Variants in NFIB observed in about 807,000 individuals in gnomAD.
The protein encoded by NFIB is nuclear factor 1 B-type.
In NFIB, 11 loss-of-function variants were observed where a neutral mutation model predicts 61.5. That is an observed-to-expected ratio of 0.18 (90% CI 0.11 to 0.30). The LOEUF is 0.30. NFIB is among the 10% of genes least tolerant of loss of function. The pLI, the probability that NFIB is intolerant of heterozygous loss-of-function variation, is 1.00. For missense variants in NFIB, 471 were observed against 608.9 expected (o/e 0.77, Z 2.38); for synonymous variants, 260 against 216.5 (o/e 1.20, Z -1.76).
At chr9:14,234,428 G>A (rs558247664) in intron 2 of NFIB, among the ~76,000 whole-genome samples, 45 of 151,466 alleles carry the variant, frequency 3.0e-4, no homozygotes, top group Admixed American at 2.5e-3. Context: ...TGAGTGCAGT[G>A]GCGGGATCTC....
chr9:14,091,780 A>C (rs1410808284), intron 10 of NFIB, among the ~76,000 whole-genome samples: 1 of 152,032 alleles, frequency 6.6e-6, no homozygotes, highest in Non-Finnish European at 1.5e-5. Context: ...TAAAAAAGAA[A>C]AGATATAATT....
At chr9:14,520,949 C>T in the NFIB span, among the ~76,000 whole-genome samples, 19 of 152,168 alleles carry the variant, frequency 1.2e-4, no homozygotes, top group African/African-American at 3.9e-4. Flanking sequence ...TTAAATGGCT[C>T]GCTTATGCCT....
At chr9:14,508,782 G>C in the NFIB span, among the ~76,000 whole-genome samples, 1 of 152,216 alleles carries the variant, frequency 6.6e-6, no homozygotes, top group East Asian at 1.9e-4. Flanking sequence ...GCCTGTGCTA[G>C]TTCAAGCTGG....
intron 2 of NFIB, among the ~76,000 whole-genome samples, chr9:14,243,958 G>A (rs2054616772): frequency 1.3e-5 from 2 of 152,184 alleles, no homozygotes; most frequent in South Asian, 2.1e-4. Context: ...GGAAATTACC[G>A]TATACTGTAG....
chr9:14,514,660 T>C, the NFIB span, among the ~76,000 whole-genome samples: 19 of 152,308 alleles, frequency 1.2e-4, no homozygotes, highest in Admixed American at 5.2e-4. Flanking sequence ...GATGGCTGAA[T>C]TGATCTAATC....
chr9:14,146,676 CCTT>C lies in NFIB; in HGVS notation c.925+10_925+12del. 3.1e-6 allele frequency: 5 copies of C among 1,612,956 alleles called. No individual in the cohort carries two copies. Among genetic ancestry groups the C allele is most frequent in the Non-Finnish European group, 3.4e-6 (4 of 1,179,366 alleles). On this transcript the variant is annotated intron_variant, in intron 6 of 10. Coordinates refer to ENST00000380953, the MANE Select transcript of NFIB (RefSeq NM_001190737.2). ...TTACTCATGGTCTCTAGAGGCATCTCCTTATTACTCACCTTGATCTCTTTCGTG... is the reference window on the plus strand; with the variant it reads ...TTACTCATGGTCTCTAGAGGCATCTCATTACTCACCTTGATCTCTTTCGTG...
At chr9:14,438,053 C>T in the NFIB span, among the ~76,000 whole-genome samples, 30,594 of 150,046 alleles carry the variant, frequency 0.2, 3,393 homozygotes, top group South Asian at 0.25. Flanking sequence ...TGCGTGTGCA[C>T]GCATGTGTGT....
the NFIB span, among the ~76,000 whole-genome samples, chr9:14,432,456 T>C: frequency 1.3e-5 from 2 of 152,238 alleles, no homozygotes; most frequent in Non-Finnish European, 2.9e-5. Context: ...CTTGTGACCA[T>C]TGAATTCTGA....
In NFIB at chr9:14,293,673, C is replaced by A. The variant is rs150821409; in HGVS notation, c.562+13316G>T. Among the ~76,000 whole-genome samples, 27 of 152,330 alleles carry A rather than the reference C, an allele frequency of 1.8e-4. No individual in the cohort carries two copies. The East Asian group carries it at 4.6e-3, about 26-fold the overall frequency. On this transcript the variant is annotated intron_variant, in intron 2 of 10. Transcript: ENST00000380953. ...GGACTAGACTTTAAAACGGAGTCTACTTCCCTTTCTCTAGGATTAGTAGAC... is the reference window on the plus strand; with the variant it reads ...GGACTAGACTTTAAAACGGAGTCTAATTCCCTTTCTCTAGGATTAGTAGAC...
chr9:14,493,860 C>A, the NFIB span, among the ~76,000 whole-genome samples: 1 of 152,114 alleles, frequency 6.6e-6, no homozygotes, highest in Non-Finnish European at 1.5e-5. Flanking sequence ...AGGTCTTTTG[C>A]GGCAAAACAA....
intron 1 of NFIB, among the ~76,000 whole-genome samples, chr9:14,339,435 A>G (rs769809670): frequency 6.6e-6 from 1 of 151,988 alleles, no homozygotes; most frequent in Non-Finnish European, 1.5e-5. Flanking sequence ...TCATTTCCCA[A>G]TTTCCCCCGT....
At chr9:14,147,954 T>G (rs376558579) in intron 5 of NFIB, among the ~76,000 whole-genome samples, 3 of 152,132 alleles carry the variant, frequency 2.0e-5, no homozygotes, top group South Asian at 2.1e-4. Context: ...AATGATACAT[T>G]TTAATATGGA....
At chr9:14,421,264 T>C in the NFIB span, among the ~76,000 whole-genome samples, 93 of 152,314 alleles carry the variant, frequency 6.1e-4, no homozygotes, top group Non-Finnish European at 1.0e-3. Flanking sequence ...TGAACATCTA[T>C]TTTATAAATT....
the NFIB span, among the ~76,000 whole-genome samples, chr9:14,420,828 G>A: frequency 2.0e-5 from 3 of 152,082 alleles, no homozygotes; most frequent in Admixed American, 6.6e-5. Flanking sequence ...CTACTATCTC[G>A]TCAATCAGGA....
At chr9:14,427,944 T>TTTTTTTTTTTTG in the NFIB span, among the ~76,000 whole-genome samples, 306 of 83,156 alleles carry the variant, frequency 3.7e-3, 27 homozygotes, top group Non-Finnish European at 4.7e-3. Context: ...GTTGTTTTTT[T>TTTTTTTTTTTTG]TTTTTTTTTT....
At chr9:14,316,951 T>C (rs2060557519), upstream of NFIB, 1 of 152,072 alleles carries the variant, frequency 6.6e-6, no homozygotes, top group Non-Finnish European at 1.5e-5. Context: ...ATAGAAGCCA[T>C]TATTTCGGGG....
At chr9:14,448,042 A>G in the NFIB span, among the ~76,000 whole-genome samples, 5 of 152,214 alleles carry the variant, frequency 3.3e-5, no homozygotes, top group Non-Finnish European at 7.4e-5. Context: ...CTTGACTGAG[A>G]ATCAAAAAAG....
intron 2 of NFIB, among the ~76,000 whole-genome samples, chr9:14,215,529 T>C (rs918481939): frequency 2.0e-5 from 3 of 152,202 alleles, no homozygotes; most frequent in African/African-American, 4.8e-5. Flanking sequence ...TGCACCTTGA[T>C]TCTATTGCAA....
intron 6 of NFIB, among the ~76,000 whole-genome samples, chr9:14,143,313 ATTTAT>A (rs1200111760): frequency 2.6e-5 from 4 of 152,080 alleles, no homozygotes; most frequent in Non-Finnish European, 4.4e-5. Flanking sequence ...ATTTTGCCTG[ATTTAT>A]TTTAAGAACA....
Sources: allele counts gnomAD v4.1 joint callset (sites outside exome capture counted in the v4.1 genomes callset), GRCh38; gene constraint gnomAD v4.1.1; transcripts MANE v1.5; gene names NCBI Gene and HGNC (gene_info 2026-07-23, HGNC 2026-07-21).